Variants in PBX3 observed in about 807,000 individuals in gnomAD.
The protein encoded by PBX3 is pre-B-cell leukemia transcription factor 3.
In PBX3, 14 loss-of-function variants were observed where a neutral mutation model predicts 48.5. The ratio of observed to expected loss-of-function variants is 0.29; its 90% CI spans 0.19 to 0.45. The LOEUF (loss-of-function observed/expected upper bound fraction) is 0.45. Ranked by LOEUF, PBX3 falls within the 20% of genes least tolerant of loss-of-function variation. PBX3 has a pLI of 1.00. For synonymous variants in PBX3, 210 were observed against 200.3 expected (o/e 1.05, Z -0.41); for missense variants, 386 against 546.7 (o/e 0.71, Z 2.93).
intron 2 of PBX3, among the ~76,000 whole-genome samples, chr9:125,806,724 AG>A (rs1428159262): frequency 1.5e-4 from 23 of 152,250 alleles, no homozygotes; most frequent in Admixed American, 1.5e-3. Context: ...TATTAAGCTC[AG>A]TGTCTCATAA....
intron 2 of PBX3, among the ~76,000 whole-genome samples, chr9:125,835,519 G>A (rs1238054638): frequency 6.6e-6 from 1 of 151,426 alleles, no homozygotes; most frequent in Non-Finnish European, 1.5e-5. Flanking sequence ...CAACTCTATA[G>A]CAGAAAAAAA....
intron 2 of PBX3, among the ~76,000 whole-genome samples, chr9:125,867,764 A>G (rs1460965742): frequency 1.3e-5 from 2 of 151,852 alleles, no homozygotes; most frequent in Non-Finnish European, 2.9e-5. Context: ...ATATATATAT[A>G]CACACACATA....
At chr9:125,949,775 T>C (rs559871664) in intron 5 of PBX3, among the ~76,000 whole-genome samples, 2 of 152,322 alleles carry the variant, frequency 1.3e-5, no homozygotes, top group East Asian at 3.9e-4. Context: ...TTTCTTTTCA[T>C]AGGACACTGA....
At chr9:125,781,565 CGAGAGGG>C (rs1353500608) in intron 2 of PBX3, among the ~76,000 whole-genome samples, 145 of 106,958 alleles carry the variant, frequency 1.4e-3, no homozygotes, top group Middle Eastern at 5.2e-3. Context: ...AGGGGAGAGG[CGAGAGGG>C]GAGAGGGGAG....
intron 1 of PBX3, among the ~76,000 whole-genome samples, chr9:125,747,981 G>T (rs1282015525): frequency 6.6e-6 from 1 of 151,752 alleles, no homozygotes; most frequent in East Asian, 1.9e-4. Context: ...CCGCGCCGCC[G>T]GGAAGTGTAA....
At chr9:125,860,310 A>G (rs1340875845) in intron 2 of PBX3, among the ~76,000 whole-genome samples, 1 of 152,358 alleles carries the variant, frequency 6.6e-6, no homozygotes, top group East Asian at 1.9e-4. Context: ...TCTCAAAGTC[A>G]TGTGGCCAAC....
intron 2 of PBX3, among the ~76,000 whole-genome samples, chr9:125,852,883 CT>C (rs1306822717): frequency 6.6e-6 from 1 of 152,030 alleles, no homozygotes; most frequent in African/African-American, 2.4e-5. Context: ...TAGTAATAGA[CT>C]TTTTTGTTGT....
chr9:125,938,231 A>C (rs910177795), intron 5 of PBX3, among the ~76,000 whole-genome samples: 1 of 152,194 alleles, frequency 6.6e-6, no homozygotes, highest in Non-Finnish European at 1.5e-5. Flanking sequence ...GGCAGGCTAG[A>C]ATTCCTTAAA....
chr9:125,807,345 AAAAG>A (rs2132114620), intron 2 of PBX3, among the ~76,000 whole-genome samples: 1 of 135,604 alleles, frequency 7.4e-6, no homozygotes, highest in South Asian at 2.2e-4. Flanking sequence ...AAGAAAAAAA[AAAAG>A]AAAATATTAA....
intron 4 of PBX3, among the ~76,000 whole-genome samples, chr9:125,930,088 G>A (rs775884633): frequency 6.6e-6 from 1 of 152,192 alleles, no homozygotes; most frequent in Non-Finnish European, 1.5e-5. Flanking sequence ...CTCTGCTAAT[G>A]ACTTTAGGAA....
At chr9:125,892,848 A>G (rs1840681480) in intron 2 of PBX3, among the ~76,000 whole-genome samples, 1 of 152,212 alleles carries the variant, frequency 6.6e-6, no homozygotes, top group African/African-American at 2.4e-5. Flanking sequence ...TGGAGGCTGA[A>G]TATTTGCTTT....
intron 5 of PBX3, among the ~76,000 whole-genome samples, chr9:125,939,513 G>T (rs1408524440): frequency 6.6e-6 from 1 of 152,112 alleles, no homozygotes; most frequent in East Asian, 1.9e-4. Context: ...AATTGATATA[G>T]CCACTTTGGA....
chr9:125,898,942 G>C (rs942387691), intron 2 of PBX3, among the ~76,000 whole-genome samples: 3 of 151,336 alleles, frequency 2.0e-5, no homozygotes, highest in African/African-American at 7.3e-5. Context: ...AAATAGAAAT[G>C]GTTGAATTTG....
intron 2 of PBX3, among the ~76,000 whole-genome samples, chr9:125,873,077 T>C (rs901083504): frequency 7.9e-5 from 12 of 151,774 alleles, no homozygotes; most frequent in Admixed American, 2.0e-4. Flanking sequence ...GGCAGGCACC[T>C]GTAATCCCAG....
intron 2 of PBX3, among the ~76,000 whole-genome samples, chr9:125,858,054 A>T (rs894505574): frequency 6.6e-6 from 1 of 152,210 alleles, no homozygotes; most frequent in Non-Finnish European, 1.5e-5. Flanking sequence ...GTAGAAAAAC[A>T]TGAAATTATG....
At chr9:125,948,642 G>A (rs1467892594) in intron 5 of PBX3, among the ~76,000 whole-genome samples, 1 of 152,018 alleles carries the variant, frequency 6.6e-6, no homozygotes, top group Non-Finnish European at 1.5e-5. Flanking sequence ...ATACATGAAT[G>A]TGTATGTGGT....
intron 8 of PBX3, among the ~76,000 whole-genome samples, chr9:125,964,113 A>G (rs777931547): frequency 1.3e-5 from 2 of 152,208 alleles, no homozygotes; most frequent in Admixed American, 6.5e-5. Context: ...TGCCTGCAGC[A>G]TTTTACAGAC....
chr9:125,831,774 G>A (rs2132193628), intron 2 of PBX3, among the ~76,000 whole-genome samples: 1 of 152,188 alleles, frequency 6.6e-6, no homozygotes, highest in African/African-American at 2.4e-5. Flanking sequence ...TGTCCAGTGG[G>A]AACCCCTTCA....
At chr9:125,794,682 A>G (rs1837724049) in intron 2 of PBX3, among the ~76,000 whole-genome samples, 1 of 149,930 alleles carries the variant, frequency 6.7e-6, no homozygotes, top group South Asian at 2.1e-4. Context: ...ATGAAGGGAA[A>G]GTAGGAGACT....
Sources: gnomAD v4.1 joint callset for allele counts (sites outside exome capture counted in the v4.1 genomes callset) on GRCh38, gnomAD v4.1.1 for gene constraint, MANE v1.5 for transcripts, NCBI Gene and HGNC (gene_info 2026-07-23, HGNC 2026-07-21) for gene names.